Variants in KCND2 observed in about 807,000 individuals in gnomAD.
KCND2 encodes the protein A-type voltage-gated potassium channel KCND2.
Under a neutral mutation model 54.4 loss-of-function variants are expected in KCND2, and 16 were observed. That is an observed-to-expected ratio of 0.29 (90% confidence interval 0.20 to 0.45). The LOEUF (loss-of-function observed/expected upper bound fraction) is 0.45, where lower values mean the gene tolerates loss of function less well. KCND2 is among the 20% of genes least tolerant of loss of function. The pLI is 1.00. For missense variants in KCND2, 486 were observed against 824.2 expected, an observed-to-expected ratio of 0.59 and a Z score of 5.02; for synonymous variants, 317 against 310.7, an observed-to-expected ratio of 1.02 and a Z score of -0.21.
At chr7:120,351,421 C>CTG (rs1800404036) in intron 1 of KCND2, among the ~76,000 whole-genome samples, 1 of 150,360 alleles carries the variant, frequency 6.7e-6, no homozygotes, top group African/African-American at 2.4e-5. Flanking sequence ...CACTCTCTCT[C>CTG]TCTCTCTCTC....
At chr7:120,435,940 T>C (rs747680182) in intron 1 of KCND2, among the ~76,000 whole-genome samples, 49 of 152,312 alleles carry the variant, frequency 3.2e-4, no homozygotes, top group Middle Eastern at 6.8e-3. Context: ...TTTGCAGCCA[T>C]GTGGTACCTT....
At chr7:120,571,863 G>C (rs1405859818) in intron 1 of KCND2, among the ~76,000 whole-genome samples, 1 of 152,136 alleles carries the variant, frequency 6.6e-6, no homozygotes, top group African/African-American at 2.4e-5. Flanking sequence ...TTTTCAACTA[G>C]AATACTTTTT....
intron 1 of KCND2, among the ~76,000 whole-genome samples, chr7:120,461,174 A>G (rs1458436243): frequency 6.6e-6 from 1 of 152,084 alleles, no homozygotes; most frequent in African/African-American, 2.4e-5. Flanking sequence ...CACCCAGCTT[A>G]AAGAGGTTTC....
chr7:120,272,909 C>T (rs1351016048), upstream of KCND2, among the ~76,000 whole-genome samples: 4 of 152,138 alleles, frequency 2.6e-5, no homozygotes, highest in Admixed American at 2.6e-4. Context: ...CATTTTCCCA[C>T]GCTCGCCTTG....
At chr7:120,489,655 A>G (rs1302067117) in intron 1 of KCND2, among the ~76,000 whole-genome samples, 2 of 152,152 alleles carry the variant, frequency 1.3e-5, no homozygotes, top group African/African-American at 2.4e-5. Flanking sequence ...TTAAGTTACT[A>G]TTATTCACTC....
At chr7:120,536,390 T>C (rs1791907521) in intron 1 of KCND2, among the ~76,000 whole-genome samples, 1 of 152,282 alleles carries the variant, frequency 6.6e-6, no homozygotes, top group Admixed American at 6.5e-5. Context: ...GCTGTGGCAA[T>C]TTCTTAGAAT....
At chr7:120,686,675 C>T (rs1400148935) in intron 1 of KCND2, among the ~76,000 whole-genome samples, 1 of 152,150 alleles carries the variant, frequency 6.6e-6, no homozygotes, top group Admixed American at 6.5e-5. Context: ...AAGCATTCCA[C>T]ATGCATAGTG....
At chr7:120,394,286 G>A (rs73722593) in intron 1 of KCND2, among the ~76,000 whole-genome samples, 1,530 of 152,040 alleles carry the variant, frequency 0.01, 27 homozygotes, top group African/African-American at 0.035. Flanking sequence ...ATTGGCTGGG[G>A]ATGCAATCAT....
At chr7:120,394,470 T>C (rs965244697) in intron 1 of KCND2, among the ~76,000 whole-genome samples, 4 of 151,980 alleles carry the variant, frequency 2.6e-5, no homozygotes, top group Non-Finnish European at 4.4e-5. Context: ...CTCACGAATC[T>C]TGTGACCTCT....
At chr7:120,407,311 T>C (rs990468627) in intron 1 of KCND2, among the ~76,000 whole-genome samples, 1 of 151,984 alleles carries the variant, frequency 6.6e-6, no homozygotes, top group Non-Finnish European at 1.5e-5. Context: ...CAACAGTTTA[T>C]TAGAGAGTAA....
intron 5 of KCND2, chr7:120,746,779 A>G (rs2116192792): frequency 6.6e-6 from 1 of 152,320 alleles, no homozygotes; most frequent in African/African-American, 2.4e-5. Context: ...TGAACAGCAT[A>G]TATTGTTAGA....
chr7:120,547,288 T>G (rs1792052399), intron 1 of KCND2, among the ~76,000 whole-genome samples: 1 of 151,960 alleles, frequency 6.6e-6, no homozygotes, highest in East Asian at 1.9e-4. Context: ...GCTTGCATCA[T>G]GAACTTCAAT....
chr7:120,309,181 A>G (rs529931884), intron 1 of KCND2, among the ~76,000 whole-genome samples: 1 of 152,088 alleles, frequency 6.6e-6, no homozygotes, highest in Non-Finnish European at 1.5e-5. Flanking sequence ...TATAGGGAAG[A>G]GCTAGACCTT....
intron 1 of KCND2, among the ~76,000 whole-genome samples, chr7:120,647,023 T>C (rs1000304012): frequency 6.6e-6 from 1 of 152,230 alleles, no homozygotes; most frequent in Non-Finnish European, 1.5e-5. Context: ...AAAAAGACTT[T>C]AGGTTGAAAG....
intron 1 of KCND2, among the ~76,000 whole-genome samples, chr7:120,476,193 C>T (rs1309263932): frequency 6.6e-6 from 1 of 152,174 alleles, no homozygotes; most frequent in Admixed American, 6.5e-5. Context: ...GTCACTTAAC[C>T]TTTCAACATC....
intron 1 of KCND2, among the ~76,000 whole-genome samples, chr7:120,332,021 G>A (rs962766389): frequency 6.6e-6 from 1 of 151,914 alleles, no homozygotes; most frequent in African/African-American, 2.4e-5. Flanking sequence ...TGTTGTAAAA[G>A]CCTTCTTCTA....
chr7:120,354,716 G>A (rs1313682536), intron 1 of KCND2, among the ~76,000 whole-genome samples: 4 of 152,112 alleles, frequency 2.6e-5, no homozygotes, highest in Admixed American at 6.6e-5. Context: ...GCGCCACTGC[G>A]GCACTTCAGC....
At chr7:120,638,466 C>T (rs1312014898) in intron 1 of KCND2, among the ~76,000 whole-genome samples, 1 of 152,118 alleles carries the variant, frequency 6.6e-6, no homozygotes, top group Non-Finnish European at 1.5e-5. Flanking sequence ...ATTTCCCCTG[C>T]CATCTGGGGA....
chr7:120,426,432 T>C (rs1801706763), intron 1 of KCND2, among the ~76,000 whole-genome samples: 1 of 152,162 alleles, frequency 6.6e-6, no homozygotes, highest in Non-Finnish European at 1.5e-5. Context: ...GATGGTCAAT[T>C]TAATTTGGAT....
Sources: allele counts gnomAD v4.1 joint callset (sites outside exome capture counted in the v4.1 genomes callset), GRCh38; gene constraint gnomAD v4.1.1; transcripts MANE v1.5; gene names NCBI Gene and HGNC (gene_info 2026-07-23, HGNC 2026-07-21).